The following DOCK2 variants were observed in gnomAD, a reference collection of about 807,000 sequenced individuals.
DOCK2 encodes dedicator of cytokinesis 2.
DOCK2 carries 87 observed loss-of-function variants against 248.9 expected under a neutral mutation model. That is an observed-to-expected ratio of 0.35 (90% confidence interval 0.29 to 0.42). DOCK2 has a LOEUF of 0.42. Among genes scored for constraint, DOCK2 ranks in the 10% least tolerant of loss-of-function variants. DOCK2 has a pLI of 1.00. For synonymous variants in DOCK2, 805 were observed against 821.6 expected, an observed-to-expected ratio of 0.98 and a Z score of 0.35; for missense variants, 1,747 against 2,300.2, an observed-to-expected ratio of 0.76 and a Z score of 4.92.
intron 2 of DOCK2, among the ~76,000 whole-genome samples, chr5:169,667,184 AT>A (rs1758784864): frequency 1.3e-5 from 2 of 151,984 alleles, no homozygotes; most frequent in Admixed American, 1.3e-4. Flanking sequence ...TTTTTGGTGG[AT>A]TTTAGTGACC....
intron 27 of DOCK2, among the ~76,000 whole-genome samples, chr5:169,862,271 CTGCT>C (rs1383918760): frequency 6.6e-6 from 1 of 152,214 alleles, no homozygotes; most frequent in Non-Finnish European, 1.5e-5. Context: ...GTGGTATAGA[CTGCT>C]TGGTTGCCTG....
intron 27 of DOCK2, among the ~76,000 whole-genome samples, chr5:169,905,182 C>A (rs1774208492): frequency 2.0e-5 from 3 of 152,128 alleles, no homozygotes; most frequent in African/African-American, 7.2e-5. Context: ...GTGGGTGAAG[C>A]CAGCTGGGAG....
At chr5:170,039,633 G>T (rs1358805720) in intron 36 of DOCK2, among the ~76,000 whole-genome samples, 1 of 152,236 alleles carries the variant, frequency 6.6e-6, no homozygotes, top group Non-Finnish European at 1.5e-5. Context: ...ATTTCAGGCA[G>T]CCTACATTTG....
chr5:169,983,379 C>T (rs1289087065), intron 28 of DOCK2, among the ~76,000 whole-genome samples: 1 of 152,194 alleles, frequency 6.6e-6, no homozygotes, highest in African/African-American at 2.4e-5. Flanking sequence ...CACATGCTAG[C>T]TGTGTGACCA....
intron 1 of DOCK2, among the ~76,000 whole-genome samples, chr5:169,645,996 A>G (rs978483448): frequency 2.6e-5 from 4 of 152,060 alleles, no homozygotes; most frequent in African/African-American, 9.7e-5. Context: ...TGATCCGCCC[A>G]TCTCAGCCTC....
At chr5:169,749,907 C>T (rs892064954) in intron 23 of DOCK2, among the ~76,000 whole-genome samples, 7 of 152,190 alleles carry the variant, frequency 4.6e-5, no homozygotes, top group African/African-American at 1.2e-4. Flanking sequence ...TGAGGAGATG[C>T]GGCAGGAGCC....
chr5:169,810,383 C>T (rs757599454), intron 26 of DOCK2, among the ~76,000 whole-genome samples: 20 of 152,142 alleles, frequency 1.3e-4, no homozygotes, highest in Admixed American at 2.6e-4. Context: ...TGCATTTTGT[C>T]ATAAAACAAA....
intron 27 of DOCK2, among the ~76,000 whole-genome samples, chr5:169,874,150 T>C (rs1052409639): frequency 4.6e-5 from 7 of 152,156 alleles, no homozygotes; most frequent in African/African-American, 1.4e-4. Flanking sequence ...TGGTGGCTCA[T>C]GCCTGTAATC....
chr5:170,009,884 G>A (rs1483205554), intron 32 of DOCK2, among the ~76,000 whole-genome samples: 1 of 152,208 alleles, frequency 6.6e-6, no homozygotes, highest in Non-Finnish European at 1.5e-5. Flanking sequence ...ATAACAGGGA[G>A]GTTGCAGGTT....
intron 23 of DOCK2, among the ~76,000 whole-genome samples, chr5:169,757,948 AT>A (rs1211583833): frequency 6.6e-6 from 1 of 152,234 alleles, no homozygotes; most frequent in Non-Finnish European, 1.5e-5. Flanking sequence ...TGGTTACTGT[AT>A]CTTCCAAGGT....
At chr5:170,015,101 C>T (rs1332411034) in intron 32 of DOCK2, among the ~76,000 whole-genome samples, 1 of 152,068 alleles carries the variant, frequency 6.6e-6, no homozygotes, top group Non-Finnish European at 1.5e-5. Flanking sequence ...GGGGTTAGGC[C>T]TTGTCTTTTC....
Position 169,674,440 on chromosome 5 carries a change from C to G in DOCK2, c.465C>G (p.Gly155=), listed in dbSNP as rs998913556. 1 of 1,614,108 alleles carries G rather than the reference C, an allele frequency of 6.2e-7. No homozygotes were observed. The highest frequency in any genetic ancestry group is 2.2e-5 in the East Asian group (1 of 44,872). ...KQKVTSKIDY[G]NKILELDLIV... is the part of the protein sequence containing the mutation. ...AAGTCACGTCCAAAATTGACTATGG[C>G]AACAAGTAACCTCTCTTTCCTCTGC... Residue 155 remains glycine, a synonymous_variant, in exon 6 of 52, where the codon GGC becomes GGG. Coordinates refer to ENST00000520908, the MANE Select transcript of DOCK2 (RefSeq NM_004946.3).
chr5:169,721,959 C>T (rs1762234413), intron 22 of DOCK2, among the ~76,000 whole-genome samples: 2 of 152,204 alleles, frequency 1.3e-5, no homozygotes, highest in South Asian at 4.1e-4. Flanking sequence ...AGTGCTGTAG[C>T]TGCAAAGGAA....
chr5:169,874,410 C>CAAAAAAAAAAAAAAAAAA (rs34525811), intron 27 of DOCK2, among the ~76,000 whole-genome samples: 1 of 72,034 alleles, frequency 1.4e-5, no homozygotes, highest in African/African-American at 5.8e-5. Context: ...GACTCTGTCT[C>CAAAAAAAAAAAAAAAAAA]AAAAAAAAAA....
At position 170,056,665 on chromosome 5, in the gene DOCK2, G is replaced by C. The variant is rs1250567104; in HGVS notation, c.4296-19G>C. The C allele has an allele frequency of 1.6e-5, 25 of 1,612,860 alleles. No individual in the cohort carries two copies. The highest frequency in any genetic ancestry group is 2.0e-5 in the Non-Finnish European group (24 of 1,178,952). On this transcript the variant is annotated intron_variant, in intron 42 of 51. Transcript: ENST00000520908. Reference sequence around the variant, plus strand: ...CCGGGGATGGCTACCAGGAGCCTCAGCCTCTTCCTGTCTTTCAGCTTCTAC... The same window carrying C: ...CCGGGGATGGCTACCAGGAGCCTCACCCTCTTCCTGTCTTTCAGCTTCTAC...
At chr5:169,692,133 C>T (rs572798587) in intron 9 of DOCK2, among the ~76,000 whole-genome samples, 11 of 152,146 alleles carry the variant, frequency 7.2e-5, no homozygotes, top group African/African-American at 1.2e-4. Context: ...GGATTACAGG[C>T]GTGAGCCACT....
At chr5:169,718,840 G>A in intron 22 of DOCK2, 49 bp downstream of exon 22, 1 of 1,565,918 alleles carries the variant, frequency 6.4e-7, no homozygotes, top group Admixed American at 1.8e-5. Context: ...CAATTCCTCT[G>A]GGATACAACA....
chr5:169,850,108 G>A (rs1318201163), intron 27 of DOCK2, among the ~76,000 whole-genome samples: 1 of 152,184 alleles, frequency 6.6e-6, no homozygotes, highest in Admixed American at 6.5e-5. Flanking sequence ...GGGAGCGGAA[G>A]CATCCCCTCC....
At chr5:169,996,526 G>A (rs1754640843) in intron 30 of DOCK2, among the ~76,000 whole-genome samples, 1 of 152,148 alleles carries the variant, frequency 6.6e-6, no homozygotes, top group Non-Finnish European at 1.5e-5. Context: ...AATGAAAAAT[G>A]ATTTACAATC....
Sources: allele counts gnomAD v4.1 joint callset (sites outside exome capture counted in the v4.1 genomes callset), GRCh38; gene constraint gnomAD v4.1.1; transcripts MANE v1.5; gene names NCBI Gene and HGNC (gene_info 2026-07-23, HGNC 2026-07-21).